KIZ: variants seen among roughly 807,000 people sequenced by gnomAD.
KIZ encodes kizuna centrosomal protein.
A neutral mutation model predicts 79.6 loss-of-function variants in KIZ; 68 were observed. The observed-to-expected ratio is 0.85, with a 90% confidence interval of 0.70 to 1.05. KIZ has a LOEUF of 1.05. Ranked by LOEUF, KIZ falls within the 50% of genes least tolerant of loss-of-function variation. The probability of loss-of-function intolerance (pLI) is 0.00; values close to 1 mark genes in which losing one functional copy is unlikely to be tolerated. For synonymous variants in KIZ, 280 were observed against 281.8 expected (o/e 0.99, Z 0.06); for missense variants, 797 against 800.4 (o/e 1.00, Z 0.05).
intron 6 of KIZ, among the ~76,000 whole-genome samples, chr20:21,170,267 T>C (rs975747197): frequency 6.6e-6 from 1 of 152,230 alleles, no homozygotes; most frequent in Admixed American, 6.5e-5. Flanking sequence ...ATCCATCTCC[T>C]CAAGCATTTA....
At chr20:21,157,939 C>G (rs2033463193) in intron 4 of KIZ, among the ~76,000 whole-genome samples, 1 of 152,166 alleles carries the variant, frequency 6.6e-6, no homozygotes, top group African/African-American at 2.4e-5. Context: ...TAAGTCTGAT[C>G]ACTGATTTGC....
intron 10 of KIZ, among the ~76,000 whole-genome samples, chr20:21,230,591 C>T (rs757793070): frequency 5.9e-5 from 9 of 152,152 alleles, no homozygotes; most frequent in South Asian, 2.1e-4. Context: ...AAGTCAGTTG[C>T]GGCAAAATTC....
intron 3 of KIZ, among the ~76,000 whole-genome samples, chr20:21,136,856 TTTG>T: frequency 6.6e-6 from 1 of 152,194 alleles, no homozygotes; most frequent in East Asian, 1.9e-4. Flanking sequence ...TCACTAATGT[TTTG>T]TTGTTCATAA....
chr20:21,243,861 C>A (rs989315995), intron 11 of KIZ, among the ~76,000 whole-genome samples: 2 of 152,278 alleles, frequency 1.3e-5, no homozygotes, highest in Admixed American at 1.3e-4. Flanking sequence ...TTTTAGCTTG[C>A]CTGAAAGCAC....
intron 6 of KIZ, among the ~76,000 whole-genome samples, chr20:21,174,604 C>T (rs1204693335): frequency 1.3e-5 from 2 of 152,194 alleles, no homozygotes; most frequent in Non-Finnish European, 2.9e-5. Context: ...CTCAAATAGG[C>T]CAATGAAGTG....
chr20:21,212,609 G>A (rs2036114677), intron 7 of KIZ, among the ~76,000 whole-genome samples: 1 of 152,196 alleles, frequency 6.6e-6, no homozygotes, highest in African/African-American at 2.4e-5. Context: ...TTTATTGGAT[G>A]TAACTCCCTT....
intron 6 of KIZ, among the ~76,000 whole-genome samples, chr20:21,175,874 G>C (rs2034409979): frequency 6.6e-6 from 1 of 152,138 alleles, no homozygotes; most frequent in South Asian, 2.1e-4. Context: ...AAATTAGCCA[G>C]TCATGGTGGC....
intron 6 of KIZ, among the ~76,000 whole-genome samples, chr20:21,187,417 C>G (rs2034923265): frequency 4.6e-5 from 7 of 152,200 alleles, no homozygotes. Flanking sequence ...TAGACCCATT[C>G]CCATTCATCA....
intron 1 of KIZ, 23 bp downstream of exon 1, chr20:21,126,227 G>A (rs1251653972): frequency 2.9e-6 from 4 of 1,376,664 alleles, no homozygotes; most frequent in Non-Finnish European, 3.8e-6. Flanking sequence ...GGGCGGGGGT[G>A]GGGAGTCGGC....
chr20:21,170,388 G>A (rs563098704), intron 6 of KIZ, among the ~76,000 whole-genome samples: 1 of 150,848 alleles, frequency 6.6e-6, no homozygotes, highest in Non-Finnish European at 1.5e-5. Flanking sequence ...CCAAATACTA[G>A]ATCTTTTTTT....
intron 4 of KIZ, among the ~76,000 whole-genome samples, chr20:21,150,515 G>A (rs887714972): frequency 3.9e-5 from 6 of 152,220 alleles, no homozygotes; most frequent in Non-Finnish European, 8.8e-5. Context: ...AGTTATGGCT[G>A]TACTTGATTT....
chr20:21,150,594 T>A (rs572692266), intron 4 of KIZ, among the ~76,000 whole-genome samples: 58 of 152,346 alleles, frequency 3.8e-4, no homozygotes, highest in Admixed American at 1.6e-3. Context: ...ATTAACTGAT[T>A]TCTTATTTAT....
In KIZ at chr20:21,192,046, C is replaced by T. The variant is rs150633356; in HGVS notation, c.1353-13445C>T. On this transcript the variant is annotated intron_variant, in intron 6 of 12. Coordinates refer to ENST00000619189, the MANE Select transcript of KIZ (RefSeq NM_018474.6). ...TACACTGGGATTGGAAGAAGGGAAA[C>T]CAGGGCTCCAAGGAGCAGGATCAGG... is the stretch of plus-strand genomic sequence containing the variant. 5.9e-5 allele frequency among the ~76,000 whole-genome samples: 9 copies of T among 152,090 alleles called. No homozygotes were observed. In the East Asian group the frequency reaches 1.5e-3, roughly 26 times the overall value.
intron 1 of KIZ, among the ~76,000 whole-genome samples, chr20:21,128,742 G>T (rs1249432110): frequency 6.6e-6 from 1 of 152,144 alleles, no homozygotes; most frequent in Non-Finnish European, 1.5e-5. Flanking sequence ...GGCTCTTACG[G>T]TTATACAAAA....
At chr20:21,142,665 T>A (rs1344575110) in intron 3 of KIZ, among the ~76,000 whole-genome samples, 1 of 152,028 alleles carries the variant, frequency 6.6e-6, no homozygotes, top group South Asian at 2.1e-4. Flanking sequence ...TGGTGGCATG[T>A]GCTCTAGTCC....
intron 6 of KIZ, among the ~76,000 whole-genome samples, chr20:21,191,720 G>T (rs1167806280): frequency 1.3e-5 from 2 of 152,094 alleles, no homozygotes; most frequent in East Asian, 1.9e-4. Flanking sequence ...GAGAACAGGG[G>T]GGGAAGCATC....
chr20:21,204,118 T>G (rs1347596829), intron 6 of KIZ, among the ~76,000 whole-genome samples: 10 of 133,986 alleles, frequency 7.5e-5, no homozygotes, highest in African/African-American at 2.6e-4. Context: ...TTTTTTTTTT[T>G]TTTTTTTTTT....
chr20:21,137,496 C>G (rs1225756257), intron 3 of KIZ, among the ~76,000 whole-genome samples: 1 of 148,772 alleles, frequency 6.7e-6, no homozygotes. Flanking sequence ...TTTTGCCCTG[C>G]AGTTTTTCTT....
At chr20:21,238,382 TGTGA>T (rs922576433) in intron 11 of KIZ, among the ~76,000 whole-genome samples, 3 of 151,190 alleles carry the variant, frequency 2.0e-5, no homozygotes, top group African/African-American at 4.9e-5. Flanking sequence ...GGTGTGAGTG[TGTGA>T]GAGAGTGTGT....
Sources: allele counts gnomAD v4.1 joint callset (sites outside exome capture counted in the v4.1 genomes callset), GRCh38; gene constraint gnomAD v4.1.1; transcripts MANE v1.5; gene names NCBI Gene and HGNC (gene_info 2026-07-23, HGNC 2026-07-21).